Variants in NAV3 observed in about 807,000 individuals in gnomAD.
NAV3 encodes the protein neuron navigator 3, also known as pore membrane and/or filament interacting like protein 1.
NAV3 carries 87 observed loss-of-function variants against 244.7 expected under a neutral mutation model. The ratio of observed to expected loss-of-function variants is 0.36; its 90% CI spans 0.30 to 0.42. The LOEUF (loss-of-function observed/expected upper bound fraction) is 0.42. Ranked by LOEUF, NAV3 falls within the 20% of genes least tolerant of loss-of-function variation. The pLI is 1.00. For missense variants in NAV3, 2,663 were observed against 2,893.3 expected (o/e 0.92, Z 1.83); for synonymous variants, 1,126 against 1,042.2 (o/e 1.08, Z -1.55).
chr12:77,692,495 T>A (rs1875080734), intron 2 of NAV3, among the ~76,000 whole-genome samples: 1 of 152,018 alleles, frequency 6.6e-6, no homozygotes, highest in South Asian at 2.1e-4. Context: ...TAATTTAATT[T>A]GTCAAAGTGC....
intron 2 of NAV3, among the ~76,000 whole-genome samples, chr12:77,588,222 A>T (rs1479904913): frequency 6.6e-6 from 1 of 151,988 alleles, no homozygotes; most frequent in Non-Finnish European, 1.5e-5. Context: ...GGCTCAAGTA[A>T]TCTGCCTCAG....
intron 1 of NAV3, among the ~76,000 whole-genome samples, chr12:77,889,627 A>G (rs1031566662): frequency 6.6e-6 from 1 of 152,196 alleles, no homozygotes; most frequent in Non-Finnish European, 1.5e-5. Flanking sequence ...TATGTTGAAC[A>G]TAAAATAAAG....
At chr12:77,765,188 C>T (rs758075459) in intron 2 of NAV3, among the ~76,000 whole-genome samples, 5 of 152,194 alleles carry the variant, frequency 3.3e-5, no homozygotes, top group Non-Finnish European at 7.3e-5. Context: ...ATCTGAATTC[C>T]TCATGCTCCA....
intron 2 of NAV3, among the ~76,000 whole-genome samples, chr12:77,595,710 T>A (rs921304544): frequency 3.3e-5 from 5 of 152,224 alleles, no homozygotes; most frequent in African/African-American, 4.8e-5. Context: ...CTAGTCTAGT[T>A]ACTTAAATAT....
intron 2 of NAV3, among the ~76,000 whole-genome samples, chr12:77,697,085 C>T (rs889911569): frequency 6.6e-5 from 10 of 152,252 alleles, no homozygotes; most frequent in Non-Finnish European, 1.2e-4. Context: ...GAGAAGTCAG[C>T]ACATCTTGGT....
intron 1 of NAV3, among the ~76,000 whole-genome samples, chr12:77,929,668 G>A (rs998462465): frequency 2.6e-5 from 4 of 151,404 alleles, no homozygotes; most frequent in African/African-American, 9.7e-5. Flanking sequence ...CTTTTAAGAT[G>A]GAGTCTTTTA....
chr12:78,079,032 C>T (rs1268567880), intron 12 of NAV3, among the ~76,000 whole-genome samples: 2 of 152,174 alleles, frequency 1.3e-5, no homozygotes, highest in Non-Finnish European at 2.9e-5. Flanking sequence ...CAAATAACAT[C>T]CTCCTATGTC....
intron 2 of NAV3, among the ~76,000 whole-genome samples, chr12:77,657,617 A>C (rs1445411026): frequency 6.6e-6 from 1 of 152,236 alleles, no homozygotes; most frequent in Non-Finnish European, 1.5e-5. Flanking sequence ...TGAGGCCAGC[A>C]TCATCCTGAT....
At chr12:77,765,446 T>C (rs1327165855) in intron 2 of NAV3, among the ~76,000 whole-genome samples, 1 of 152,180 alleles carries the variant, frequency 6.6e-6, no homozygotes, top group Non-Finnish European at 1.5e-5. Flanking sequence ...GAGAAGTCCG[T>C]TACAAAAGAA....
At chr12:77,739,361 T>C (rs774210010) in intron 2 of NAV3, among the ~76,000 whole-genome samples, 9 of 152,200 alleles carry the variant, frequency 5.9e-5, no homozygotes, top group Non-Finnish European at 1.2e-4. Flanking sequence ...GCATTATACA[T>C]TTCTGGGTTA....
At chr12:78,122,861 A>G (rs1955735334) in intron 16 of NAV3, among the ~76,000 whole-genome samples, 3 of 151,694 alleles carry the variant, frequency 2.0e-5, no homozygotes, top group Admixed American at 6.6e-5. Context: ...TTGTACTTCT[A>G]TGAAAAAATA....
chr12:77,686,690 G>A (rs552809152), intron 2 of NAV3, among the ~76,000 whole-genome samples: 2 of 152,002 alleles, frequency 1.3e-5, no homozygotes, highest in South Asian at 2.1e-4. Flanking sequence ...ACAAATGGCC[G>A]AAGTAACTTA....
At chr12:78,149,034 C>A in intron 22 of NAV3, 115 bp downstream of exon 22, 1 of 805,888 alleles carries the variant, frequency 1.2e-6, no homozygotes, top group Non-Finnish European at 2.0e-6. Context: ...AGATTACCAA[C>A]TAGCAGGACT....
At chr12:77,620,880 A>C (rs929545179) in intron 2 of NAV3, among the ~76,000 whole-genome samples, 1 of 152,222 alleles carries the variant, frequency 6.6e-6, no homozygotes, top group Non-Finnish European at 1.5e-5. Flanking sequence ...TTGGCAAGTT[A>C]CAAAAACTAA....
rs184415133 is a variant in NAV3 at position 77,719,943 on chromosome 12, T to A, written c.72+147677T>A. Reference sequence around the variant, plus strand: ...TCGGCTTTTCTTTGCTGAGATTTTTTAATTTATTTTCTTTTATTACTGATT... The same window carrying A: ...TCGGCTTTTCTTTGCTGAGATTTTTAAATTTATTTTCTTTTATTACTGATT... On this transcript the variant is annotated intron_variant, in intron 2 of 8. Coordinates refer to the NAV3 transcript ENST00000550042. 1.6e-3 allele frequency among the ~76,000 whole-genome samples: 245 copies of A among 152,280 alleles called. 4 individuals are homozygous for A. The highest frequency in any genetic ancestry group is 0.012 in the Admixed American group (180 of 15,284).
chr12:77,894,530 G>A (rs1198171123), intron 1 of NAV3, among the ~76,000 whole-genome samples: 1 of 151,474 alleles, frequency 6.6e-6, no homozygotes, highest in Non-Finnish European at 1.5e-5. Context: ...TTGATTAATA[G>A]AAAGAACCAA....
chr12:78,189,584 G>A (rs918067219), intron 33 of NAV3, among the ~76,000 whole-genome samples: 20 of 151,104 alleles, frequency 1.3e-4, no homozygotes, highest in African/African-American at 3.6e-4. Context: ...ATGGGTGTGT[G>A]TGTATATAAT....
In NAV3 at chr12:77,966,310, A is replaced by T. The variant is rs759118766; in HGVS notation, c.487+9A>T. ...AGGTCTATCTGCTGAAGGTAAGAAA[A>T]AGAATGACTGAATTGTCACAAATGG... On this transcript the variant is annotated intron_variant, in intron 4 of 39. Coordinates refer to ENST00000397909, the MANE Select transcript of NAV3 (RefSeq NM_001024383.2). 1 of 1,604,310 alleles carries T rather than the reference A, an allele frequency of 6.2e-7. No individual in the cohort carries two copies. Among genetic ancestry groups the T allele is most frequent in the East Asian group, 2.2e-5 (1 of 44,730 alleles).
chr12:77,966,078 A>T (rs1286610005), intron 3 of NAV3, 151 bp from the exon 4 acceptor site: 1 of 708,368 alleles, frequency 1.4e-6, no homozygotes, highest in African/African-American at 1.8e-5. Flanking sequence ...AATTAGCCAA[A>T]ATAATTCTAG....
Sources: gnomAD v4.1 joint callset for allele counts (sites outside exome capture counted in the v4.1 genomes callset) on GRCh38, gnomAD v4.1.1 for gene constraint, MANE v1.5 for transcripts, NCBI Gene and HGNC (gene_info 2026-07-23, HGNC 2026-07-21) for gene names.